The following SEMA5A variants were observed in gnomAD, a reference collection of about 807,000 sequenced individuals.
SEMA5A encodes semaphorin 5A.
SEMA5A carries 55 observed loss-of-function variants against 135.5 expected under a neutral mutation model. That is an observed-to-expected ratio of 0.41 (90% CI 0.33 to 0.51). The LOEUF (loss-of-function observed/expected upper bound fraction) is 0.51. Among genes scored for constraint, SEMA5A ranks in the 20% least tolerant of loss-of-function variants. SEMA5A has a pLI of 0.37. For synonymous variants in SEMA5A, 580 were observed against 546.5 expected (o/e 1.06, Z -0.85); for missense variants, 1,290 against 1,419.9 (o/e 0.91, Z 1.47).
intron 10 of SEMA5A, among the ~76,000 whole-genome samples, chr5:9,193,569 T>G (rs1441214343): frequency 6.6e-6 from 1 of 152,152 alleles, no homozygotes; most frequent in South Asian, 2.1e-4. Context: ...ATTTTAATGG[T>G]CCCTTTGTTC....
intron 16 of SEMA5A, among the ~76,000 whole-genome samples, chr5:9,096,165 C>T (rs979621344): frequency 2.6e-5 from 4 of 152,186 alleles, no homozygotes; most frequent in Non-Finnish European, 4.4e-5. Flanking sequence ...CCCTCACCAG[C>T]ACTTGTTATC....
chr5:9,521,336 G>A (rs957901744), intron 1 of SEMA5A, among the ~76,000 whole-genome samples: 1 of 152,210 alleles, frequency 6.6e-6, no homozygotes, highest in African/African-American at 2.4e-5. Context: ...CTTGAACCCA[G>A]GAGGTGGAGG....
intron 1 of SEMA5A, among the ~76,000 whole-genome samples, chr5:9,455,260 T>A (rs985856003): frequency 9.8e-5 from 14 of 142,192 alleles, no homozygotes; most frequent in Admixed American, 6.9e-4. Context: ...TTTATTTATT[T>A]TTTTTTTTTT....
intron 2 of SEMA5A, among the ~76,000 whole-genome samples, chr5:9,393,085 T>C (rs2126535290): frequency 6.6e-6 from 1 of 152,344 alleles, no homozygotes; most frequent in African/African-American, 2.4e-5. Context: ...CTTCAGTTCA[T>C]TAGCCTGAAA....
chr5:9,532,269 CT>C (rs4002530), intron 1 of SEMA5A, among the ~76,000 whole-genome samples: 1,502 of 146,252 alleles, frequency 0.01, 16 homozygotes, highest in African/African-American at 0.032. Flanking sequence ...AATCAATGAA[CT>C]TTTTTTTTTT....
chr5:9,266,056 T>C (rs1053319358), intron 5 of SEMA5A, among the ~76,000 whole-genome samples: 7 of 152,212 alleles, frequency 4.6e-5, no homozygotes, highest in African/African-American at 9.6e-5. Flanking sequence ...CCCAATCTGT[T>C]TGTGAACAAA....
intron 16 of SEMA5A, among the ~76,000 whole-genome samples, chr5:9,076,507 C>T (rs1738067313): frequency 6.6e-6 from 1 of 152,104 alleles, no homozygotes; most frequent in African/African-American, 2.4e-5. Flanking sequence ...AGTAGGGTAA[C>T]TATAATTAAG....
intron 18 of SEMA5A, among the ~76,000 whole-genome samples, chr5:9,061,155 G>C (rs376998274): frequency 1.8e-3 from 267 of 151,980 alleles, no homozygotes; most frequent in African/African-American, 6.2e-3. Context: ...TGGCCATACT[G>C]GGTTGACGCT....
chr5:9,224,478 A>G (rs1017156199), intron 8 of SEMA5A, among the ~76,000 whole-genome samples, 196 bp downstream of exon 8: 2 of 152,156 alleles, frequency 1.3e-5, no homozygotes, highest in Non-Finnish European at 2.9e-5. Flanking sequence ...AGTGTTGCGA[A>G]TATCACTTCT....
At chr5:9,513,072 T>C (rs1425793887) in intron 1 of SEMA5A, among the ~76,000 whole-genome samples, 1 of 147,582 alleles carries the variant, frequency 6.8e-6, no homozygotes, top group East Asian at 2.0e-4. Flanking sequence ...ATATATAATA[T>C]ATATATATAT....
intron 16 of SEMA5A, among the ~76,000 whole-genome samples, chr5:9,104,501 AAC>A (rs1161127728): frequency 7.2e-5 from 11 of 152,236 alleles, no homozygotes; most frequent in African/African-American, 2.4e-4. Context: ...GTTAAAAGGA[AAC>A]ACACATATGA....
chr5:9,323,775 C>G (rs1239614973), intron 4 of SEMA5A, among the ~76,000 whole-genome samples: 2 of 150,780 alleles, frequency 1.3e-5, no homozygotes, highest in Non-Finnish European at 2.9e-5. Flanking sequence ...AATTCTCCTG[C>G]CTCAGCCTCC....
chr5:9,263,517 C>T (rs1465320251), intron 5 of SEMA5A, among the ~76,000 whole-genome samples: 2 of 152,198 alleles, frequency 1.3e-5, no homozygotes, highest in Admixed American at 1.3e-4. Flanking sequence ...CCCACCCTTT[C>T]CCCACTGCCC....
At chr5:9,475,066 C>T (rs957822116) in intron 1 of SEMA5A, among the ~76,000 whole-genome samples, 1 of 152,204 alleles carries the variant, frequency 6.6e-6, no homozygotes, top group African/African-American at 2.4e-5. Flanking sequence ...CTCAGCCTCC[C>T]GACTAGCTGG....
intron 2 of SEMA5A, among the ~76,000 whole-genome samples, chr5:9,403,406 C>A (rs1756747439): frequency 6.6e-6 from 1 of 152,002 alleles, no homozygotes; most frequent in Non-Finnish European, 1.5e-5. Context: ...ATTAGGAAGC[C>A]CAGCTCCTCC....
chr5:9,145,317 T>C (rs1234185033), intron 12 of SEMA5A, among the ~76,000 whole-genome samples: 3 of 152,190 alleles, frequency 2.0e-5, no homozygotes, highest in Non-Finnish European at 2.9e-5. Context: ...AGAAATAAGA[T>C]ACAAAGACTT....
chr5:9,257,850 TGC>T (rs1749163117), intron 5 of SEMA5A, among the ~76,000 whole-genome samples: 1 of 152,086 alleles, frequency 6.6e-6, no homozygotes, highest in African/African-American at 2.4e-5. Flanking sequence ...CACAGGGGTG[TGC>T]AGGGCAAGTC....
intron 13 of SEMA5A, among the ~76,000 whole-genome samples, chr5:9,124,755 C>G (rs950724953): frequency 6.6e-6 from 1 of 152,178 alleles, no homozygotes; most frequent in African/African-American, 2.4e-5. Flanking sequence ...CATGCACGGC[C>G]TCCAAACCTC....
intron 11 of SEMA5A, among the ~76,000 whole-genome samples, chr5:9,174,061 T>A (rs956613463): frequency 6.6e-5 from 10 of 152,234 alleles, no homozygotes; most frequent in African/African-American, 2.4e-4. Flanking sequence ...ATTTTTAGGC[T>A]GTGTTTTGAA....
Sources: allele counts gnomAD v4.1 joint callset (sites outside exome capture counted in the v4.1 genomes callset), GRCh38; gene constraint gnomAD v4.1.1; transcripts MANE v1.5; gene names NCBI Gene and HGNC (gene_info 2026-07-23, HGNC 2026-07-21).